EXOC4: variants seen among roughly 807,000 people sequenced by gnomAD.
The protein encoded by EXOC4 is SEC8-like 1.
EXOC4 carries 71 observed loss-of-function variants against 107.2 expected under a neutral mutation model. That is an observed-to-expected ratio of 0.66 (90% confidence interval 0.55 to 0.81). The LOEUF is 0.81. EXOC4 is among the 30% of genes least tolerant of loss of function. The pLI, the probability that EXOC4 is intolerant of heterozygous loss-of-function variation, is 0.00. For missense variants in EXOC4, 1,108 were observed against 1,189.6 expected (o/e 0.93, Z 1.01); for synonymous variants, 456 against 441.2 (o/e 1.03, Z -0.42).
At chr7:133,914,028 G>A (rs186428552) in intron 12 of EXOC4, among the ~76,000 whole-genome samples, 22 of 152,286 alleles carry the variant, frequency 1.4e-4, no homozygotes, top group Non-Finnish European at 2.4e-4. Context: ...CAAAGAGTGC[G>A]AAGAATAAAA....
chr7:133,620,587 A>C lies in EXOC4; in HGVS notation c.1418-9458A>C, dbSNP rs1178744218. ...ATCTGCTGATAAATGGATAAATTAA[A>C]TGTGGTGTATACATCCATTGGAATA... On this transcript the variant is annotated intron_variant, in intron 9 of 17. Coordinates refer to ENST00000253861, the MANE Select transcript of EXOC4 (RefSeq NM_021807.4). Among the ~76,000 whole-genome samples, 4 of 152,336 alleles carry C rather than the reference A, an allele frequency of 2.6e-5. No individual in the cohort carries two copies. The South Asian group carries it at 6.2e-4, about 24-fold the overall frequency.
At chr7:133,521,188 G>T (rs1414274000) in intron 9 of EXOC4, among the ~76,000 whole-genome samples, 1 of 152,108 alleles carries the variant, frequency 6.6e-6, no homozygotes, top group Non-Finnish European at 1.5e-5. Context: ...TTCTAGAGCT[G>T]CTTTATGCTA....
intron 17 of EXOC4, among the ~76,000 whole-genome samples, chr7:134,023,043 TA>T (rs1327282642): frequency 6.6e-6 from 1 of 152,202 alleles, no homozygotes; most frequent in East Asian, 1.9e-4. Context: ...TATTTATATT[TA>T]GAACCAAATA....
intron 9 of EXOC4, among the ~76,000 whole-genome samples, chr7:133,567,461 T>A (rs1800929238): frequency 6.6e-6 from 1 of 152,152 alleles, no homozygotes; most frequent in Non-Finnish European, 1.5e-5. Context: ...TCTAGTCCTT[T>A]GTTATCACAA....
intron 5 of EXOC4, among the ~76,000 whole-genome samples, chr7:133,330,271 C>G (rs539536713): frequency 6.6e-6 from 1 of 152,242 alleles, no homozygotes; most frequent in South Asian, 2.1e-4. Flanking sequence ...CGCCCCTCCC[C>G]CCACCAAGCT....
chr7:133,483,555 C>A (rs1439803842), intron 9 of EXOC4, among the ~76,000 whole-genome samples: 2 of 152,198 alleles, frequency 1.3e-5, no homozygotes, highest in East Asian at 3.9e-4. Flanking sequence ...AAGCACAAGT[C>A]GATTGAACTT....
At chr7:133,581,545 T>C (rs547000845) in intron 9 of EXOC4, among the ~76,000 whole-genome samples, 8 of 150,896 alleles carry the variant, frequency 5.3e-5, no homozygotes, top group Middle Eastern at 6.9e-3. Context: ...GATCACGAGG[T>C]CAGGAGATCG....
intron 10 of EXOC4, 27 bp from the exon 11 acceptor site, chr7:133,817,298 A>G: frequency 1.3e-6 from 2 of 1,526,074 alleles, no homozygotes; most frequent in Non-Finnish European, 1.8e-6. Context: ...CATAAATTTA[A>G]TAACCTTCTT....
intron 7 of EXOC4, among the ~76,000 whole-genome samples, chr7:133,453,138 G>A (rs879544276): frequency 6.6e-6 from 1 of 152,118 alleles, no homozygotes; most frequent in Admixed American, 6.6e-5. Flanking sequence ...TATAAAAATC[G>A]CTGTGAATTA....
At chr7:133,525,876 G>A (rs1584977922) in intron 9 of EXOC4, among the ~76,000 whole-genome samples, 1 of 152,148 alleles carries the variant, frequency 6.6e-6, no homozygotes, top group Non-Finnish European at 1.5e-5. Context: ...TAAAAGATAC[G>A]TGTTTTCCCC....
intron 11 of EXOC4, among the ~76,000 whole-genome samples, chr7:133,874,388 G>T (rs1162261577): frequency 6.6e-6 from 1 of 152,212 alleles, no homozygotes; most frequent in Non-Finnish European, 1.5e-5. Context: ...GAACTGCTTT[G>T]AAAGTTCATT....
intron 7 of EXOC4, among the ~76,000 whole-genome samples, chr7:133,423,779 G>A (rs974401467): frequency 3.9e-5 from 6 of 152,114 alleles, no homozygotes; most frequent in East Asian, 1.9e-4. Context: ...AGCGCTGCGC[G>A]CAGGCCTTGT....
intron 7 of EXOC4, among the ~76,000 whole-genome samples, chr7:133,417,636 C>T (rs1197472185): frequency 6.6e-6 from 1 of 152,140 alleles, no homozygotes; most frequent in Non-Finnish European, 1.5e-5. Flanking sequence ...CCATAGTTTA[C>T]GTCCTTTTTT....
At chr7:133,562,294 T>C (rs979749781) in intron 9 of EXOC4, among the ~76,000 whole-genome samples, 12 of 152,180 alleles carry the variant, frequency 7.9e-5, no homozygotes, top group Non-Finnish European at 2.9e-5. Flanking sequence ...TCTGCTCCTA[T>C]GATATGAAGG....
intron 17 of EXOC4, 86 bp downstream of exon 17, chr7:134,007,921 T>C: frequency 7.9e-7 from 1 of 1,258,236 alleles, no homozygotes; most frequent in South Asian, 1.6e-5. Flanking sequence ...AGACTCTTGG[T>C]GCAGAAAAAG....
At chr7:133,448,100 G>A (rs1181228857) in intron 7 of EXOC4, among the ~76,000 whole-genome samples, 1 of 152,154 alleles carries the variant, frequency 6.6e-6, no homozygotes, top group East Asian at 1.9e-4. Flanking sequence ...GGGTTAAAAA[G>A]TGGCTCTAGG....
At chr7:133,959,142 C>G (rs1051138430) in intron 14 of EXOC4, among the ~76,000 whole-genome samples, 5 of 152,030 alleles carry the variant, frequency 3.3e-5, no homozygotes, top group Admixed American at 3.3e-4. Context: ...TCCAGTCAGC[C>G]CCACTTAAAT....
intron 6 of EXOC4, among the ~76,000 whole-genome samples, chr7:133,366,012 A>G (rs1289772927): frequency 6.6e-6 from 1 of 152,220 alleles, no homozygotes; most frequent in Admixed American, 6.5e-5. Flanking sequence ...GCAGACAAGT[A>G]ATAGAACAGA....
At chr7:133,536,700 A>G (rs775529669) in intron 9 of EXOC4, among the ~76,000 whole-genome samples, 3 of 151,998 alleles carry the variant, frequency 2.0e-5, no homozygotes, top group Non-Finnish European at 4.4e-5. Flanking sequence ...TTTCTCACAT[A>G]GAAGTGTGGG....
Sources: gnomAD v4.1 joint callset for allele counts (sites outside exome capture counted in the v4.1 genomes callset) on GRCh38, gnomAD v4.1.1 for gene constraint, MANE v1.5 for transcripts, NCBI Gene and HGNC (gene_info 2026-07-23, HGNC 2026-07-21) for gene names.